METTL15: variants seen among roughly 807,000 people sequenced by gnomAD.
METTL15 encodes 12S rRNA N(4)-cytidine methyltransferase METTL15.
A neutral mutation model predicts 38.3 loss-of-function variants in METTL15; 34 were observed. The ratio of observed to expected loss-of-function variants is 0.89; its 90% CI spans 0.68 to 1.18. METTL15 has a LOEUF of 1.18. Ranked by LOEUF, METTL15 falls within the 50% of genes most tolerant of loss-of-function variation. METTL15 has a pLI of 0.00. For missense variants in METTL15, 438 were observed against 498.4 expected (o/e 0.88, Z 1.15); for synonymous variants, 162 against 170.9 (o/e 0.95, Z 0.41).
chr11:28,500,671 C>T (rs555437481), intron 6 of METTL15, among the ~76,000 whole-genome samples: 1 of 152,212 alleles, frequency 6.6e-6, no homozygotes, highest in East Asian at 1.9e-4. Flanking sequence ...TATAGGCATT[C>T]ACCACCAAGC....
intron 3 of METTL15, among the ~76,000 whole-genome samples, chr11:28,348,157 A>G (rs902752791): frequency 2.6e-5 from 4 of 152,248 alleles, no homozygotes; most frequent in African/African-American, 7.2e-5. Context: ...TAATTAAAAA[A>G]ATGTTTTGAA....
rs181424165 is a variant in METTL15, at chr11:28,482,830, C to A, written c.*425-43648C>A. Among the ~76,000 whole-genome samples, 21 of 152,262 alleles carry A rather than the reference C, an allele frequency of 1.4e-4. No homozygotes were observed. In the East Asian group the frequency reaches 4.1e-3, roughly 29 times the overall value. ...GGAAGTTCTCCAGGTAATTTGTGGG[C>A]ACACCAAACTTCAAGTAGCACTGTT... On this transcript the variant is annotated intron_variant and NMD_transcript_variant, in intron 6 of 7. Transcript: ENST00000532947.
intron 4 of METTL15, among the ~76,000 whole-genome samples, chr11:28,242,477 C>G (rs1854341207): frequency 6.6e-6 from 1 of 152,102 alleles, no homozygotes; most frequent in Admixed American, 6.6e-5. Flanking sequence ...ATTTAGAGAA[C>G]ATCATTCCTA....
intron 6 of METTL15, among the ~76,000 whole-genome samples, chr11:28,307,249 A>C (rs888249050): frequency 1.3e-5 from 2 of 151,962 alleles, no homozygotes; most frequent in Admixed American, 1.3e-4. Flanking sequence ...CTCCTAATAC[A>C]TAATTATTTA....
At chr11:28,259,270 C>T (rs1855100358) in intron 4 of METTL15, among the ~76,000 whole-genome samples, 1 of 151,984 alleles carries the variant, frequency 6.6e-6, no homozygotes, top group African/African-American at 2.4e-5. Context: ...ACGTCTTTCC[C>T]ATTTGTCCTG....
chr11:28,342,398 G>A (rs1490659464), intron 3 of METTL15, among the ~76,000 whole-genome samples: 2 of 152,000 alleles, frequency 1.3e-5, no homozygotes, highest in East Asian at 1.9e-4. Flanking sequence ...GAGTAGCTGG[G>A]ACCACAGGTG....
intron 6 of METTL15, among the ~76,000 whole-genome samples, chr11:28,523,393 A>G (rs1450163265): frequency 2.0e-5 from 3 of 152,234 alleles, no homozygotes; most frequent in Non-Finnish European, 4.4e-5. Context: ...TTGACTTGAA[A>G]CATATGAACA....
chr11:28,502,864 A>G (rs1406955658), intron 6 of METTL15, among the ~76,000 whole-genome samples: 1 of 152,162 alleles, frequency 6.6e-6, no homozygotes, highest in African/African-American at 2.4e-5. Context: ...AAAGGAAAGT[A>G]GGGTTTGGCG....
At chr11:28,392,962 C>T (rs1850527438) in intron 5 of METTL15, among the ~76,000 whole-genome samples, 1 of 151,832 alleles carries the variant, frequency 6.6e-6, no homozygotes, top group Non-Finnish European at 1.5e-5. Flanking sequence ...GATATCACCT[C>T]ACAATCATTA....
intron 4 of METTL15, among the ~76,000 whole-genome samples, chr11:28,237,471 C>A (rs950812722): frequency 1.3e-5 from 2 of 152,150 alleles, no homozygotes; most frequent in African/African-American, 4.8e-5. Context: ...TTAAGCACTT[C>A]TCTGTATTGG....
intron 5 of METTL15, among the ~76,000 whole-genome samples, chr11:28,293,207 T>C (rs1856591085): frequency 6.6e-6 from 1 of 152,208 alleles, no homozygotes; most frequent in Non-Finnish European, 1.5e-5. Flanking sequence ...TTTAAGTCTT[T>C]AATCCATCTT....
At chr11:28,377,635 G>T (rs868234818) in intron 5 of METTL15, among the ~76,000 whole-genome samples, 32 of 151,970 alleles carry the variant, frequency 2.1e-4, no homozygotes, top group Admixed American at 6.6e-4. Flanking sequence ...TAATTTGATC[G>T]TCTGAAGCCT....
chr11:28,492,257 C>A (rs1190932052), intron 6 of METTL15, among the ~76,000 whole-genome samples: 1 of 152,080 alleles, frequency 6.6e-6, no homozygotes, highest in Admixed American at 6.6e-5. Context: ...CAAAGTGAAG[C>A]AGTTTGTGGT....
At chr11:28,204,828 G>C (rs1337439555) in intron 3 of METTL15, among the ~76,000 whole-genome samples, 1 of 151,944 alleles carries the variant, frequency 6.6e-6, no homozygotes, top group African/African-American at 2.4e-5. Context: ...GAGGCTTAAA[G>C]AATTCAAGTG....
intron 6 of METTL15, among the ~76,000 whole-genome samples, chr11:28,481,421 A>C (rs1443566043): frequency 6.6e-6 from 1 of 152,156 alleles, no homozygotes; most frequent in Non-Finnish European, 1.5e-5. Flanking sequence ...TCCCATGAAC[A>C]CAAAAGGCGG....
chr11:28,453,829 A>G (rs1851144098), intron 6 of METTL15, among the ~76,000 whole-genome samples: 1 of 152,210 alleles, frequency 6.6e-6, no homozygotes, highest in South Asian at 2.1e-4. Context: ...CACAGATCCA[A>G]TGTTAGACCA....
chr11:28,233,569 A>G (rs1350807557), intron 4 of METTL15, among the ~76,000 whole-genome samples: 2 of 152,012 alleles, frequency 1.3e-5, no homozygotes, highest in African/African-American at 2.4e-5. Context: ...AGCCTCAGTC[A>G]CCTCATCTTC....
chr11:28,209,363 T>C (rs1021730532), intron 3 of METTL15, among the ~76,000 whole-genome samples: 2 of 152,028 alleles, frequency 1.3e-5, no homozygotes, highest in African/African-American at 4.8e-5. Context: ...ATTTTCAAAT[T>C]GATGTAATGC....
intron 6 of METTL15, among the ~76,000 whole-genome samples, chr11:28,481,253 C>G (rs1399156882): frequency 6.6e-6 from 1 of 152,166 alleles, no homozygotes; most frequent in Non-Finnish European, 1.5e-5. Flanking sequence ...AGAAGGAATG[C>G]AGTCTTGCTG....
Sources: allele counts gnomAD v4.1 joint callset (sites outside exome capture counted in the v4.1 genomes callset), GRCh38; gene constraint gnomAD v4.1.1; transcripts MANE v1.5; gene names NCBI Gene and HGNC (gene_info 2026-07-23, HGNC 2026-07-21).